The following SPATA9 variants were observed in gnomAD, a reference collection of about 807,000 sequenced individuals.
SPATA9 encodes the protein spermatogenesis associated 9, also known as spermatogenesis-associated protein 9.
Under a neutral mutation model 25.5 loss-of-function variants are expected in SPATA9, and 27 were observed. The observed-to-expected ratio is 1.06, with a 90% confidence interval of 0.78 to 1.46. The LOEUF (loss-of-function observed/expected upper bound fraction) is 1.46. Among genes scored for constraint, SPATA9 ranks in the 40% most tolerant of loss-of-function variants. The pLI is 0.00. For synonymous variants in SPATA9, 102 were observed against 105.7 expected (o/e 0.97, Z 0.21); for missense variants, 282 against 297.5 (o/e 0.95, Z 0.38).
chr5:95,723,664 T>G, the SPATA9 span, among the ~76,000 whole-genome samples: 1 of 152,240 alleles, frequency 6.6e-6, no homozygotes, highest in South Asian at 2.1e-4. Context: ...TTCACAGAGC[T>G]GATTTCTAGG....
At chr5:95,688,578 G>A (rs1753805180) in intron 1 of SPATA9, among the ~76,000 whole-genome samples, 1 of 152,134 alleles carries the variant, frequency 6.6e-6, no homozygotes, top group South Asian at 2.1e-4. Context: ...AATGTAGATG[G>A]AACTGGAGGC....
chr5:95,711,514 C>T, the SPATA9 span, among the ~76,000 whole-genome samples: 1 of 152,150 alleles, frequency 6.6e-6, no homozygotes, highest in African/African-American at 2.4e-5. Context: ...CCCGGAGGGA[C>T]TTGTGCCTCT....
At chr5:95,674,743 C>A (rs766123523) in intron 3 of SPATA9, 3 of 456,488 alleles carry the variant, frequency 6.6e-6, no homozygotes, top group East Asian at 6.9e-5. Flanking sequence ...GGAGCTAATA[C>A]ATCTTCTTTT....
intron 1 of SPATA9, among the ~76,000 whole-genome samples, chr5:95,692,991 T>A (rs918699003): frequency 6.6e-6 from 1 of 152,242 alleles, no homozygotes; most frequent in African/African-American, 2.4e-5. Context: ...TTTTTGCCTG[T>A]TAAATATATT....
At chr5:95,681,901 C>G (rs75634816) in intron 2 of SPATA9, among the ~76,000 whole-genome samples, 9 of 152,078 alleles carry the variant, frequency 5.9e-5, no homozygotes, top group Non-Finnish European at 1.2e-4. Context: ...TCAAAATGAC[C>G]GAACCACATT....
the SPATA9 span, among the ~76,000 whole-genome samples, chr5:95,722,747 T>G: frequency 6.6e-6 from 1 of 152,222 alleles, no homozygotes; most frequent in Non-Finnish European, 1.5e-5. Flanking sequence ...CTTCCCAAAG[T>G]GCTGGGATTA....
At chr5:95,699,996 A>C (rs1442300925), upstream of SPATA9, among the ~76,000 whole-genome samples, 1 of 152,224 alleles carries the variant, frequency 6.6e-6, no homozygotes, top group Non-Finnish European at 1.5e-5. Flanking sequence ...GGGGACTCCA[A>C]CATAGAGCTA....
At chr5:95,675,340 T>G (rs1382535107) in intron 3 of SPATA9, 72 bp downstream of exon 3, 126 of 1,256,764 alleles carry the variant, frequency 1.0e-4, no homozygotes, top group Admixed American at 4.8e-5. Context: ...TCACCACATT[T>G]TATTTTTCAA....
the SPATA9 span, chr5:95,713,483 C>T: frequency 1.3e-5 from 2 of 152,154 alleles, no homozygotes; most frequent in African/African-American, 2.4e-5. Flanking sequence ...TCCTCCTGCT[C>T]CAGCCACAAA....
chr5:95,696,473 T>A (rs533434702), intron 1 of SPATA9, among the ~76,000 whole-genome samples: 1 of 152,278 alleles, frequency 6.6e-6, no homozygotes, highest in East Asian at 1.9e-4. Flanking sequence ...TTGGGTGAAA[T>A]ACATAAAGAA....
the SPATA9 span, among the ~76,000 whole-genome samples, chr5:95,710,286 G>C: frequency 1.3e-5 from 2 of 152,220 alleles, no homozygotes; most frequent in African/African-American, 2.4e-5. Flanking sequence ...GTCATGGATA[G>C]TAGCTGGATT....
intron 4 of SPATA9, among the ~76,000 whole-genome samples, chr5:95,663,547 T>C (rs1398821698): frequency 6.6e-6 from 1 of 152,146 alleles, no homozygotes; most frequent in Non-Finnish European, 1.5e-5. Flanking sequence ...AAAAATCTTT[T>C]ATATTTTTCT....
At chr5:95,717,160 G>T in the SPATA9 span, 1 of 152,156 alleles carries the variant, frequency 6.6e-6, no homozygotes, top group Non-Finnish European at 1.5e-5. Context: ...CCGTAATGTG[G>T]ATGGGACTCA....
downstream of SPATA9, chr5:95,654,471 C>A: frequency 1.3e-6 from 1 of 760,074 alleles, no homozygotes; most frequent in Non-Finnish European, 2.1e-6. Context: ...AATATAATTC[C>A]AAGTATTCTG....
the SPATA9 span, among the ~76,000 whole-genome samples, chr5:95,705,148 T>C: frequency 3.9e-5 from 6 of 152,058 alleles, no homozygotes; most frequent in African/African-American, 1.4e-4. Context: ...TCGTATTTTT[T>C]GTAGAGATAG....
chr5:95,661,673 T>G (rs1284492950), intron 4 of SPATA9, among the ~76,000 whole-genome samples: 2 of 152,172 alleles, frequency 1.3e-5, no homozygotes, highest in East Asian at 3.8e-4. Context: ...TCTTGAAAAT[T>G]TAAAACAGTG....
At chr5:95,665,069 A>AT (rs1020647076) in intron 3 of SPATA9, among the ~76,000 whole-genome samples, 14 of 152,280 alleles carry the variant, frequency 9.2e-5, no homozygotes, top group African/African-American at 3.4e-4. Flanking sequence ...CCTTTTATGT[A>AT]TTTTTAATTG....
At chr5:95,655,067 G>A (rs540139725), downstream of SPATA9, among the ~76,000 whole-genome samples, 125 of 152,090 alleles carry the variant, frequency 8.2e-4, no homozygotes, top group East Asian at 0.011. Flanking sequence ...CTCTCTAACC[G>A]ATGCAAAGTA....
At chr5:95,728,554 C>G in the SPATA9 span, among the ~76,000 whole-genome samples, 4 of 152,180 alleles carry the variant, frequency 2.6e-5, no homozygotes, top group Non-Finnish European at 1.5e-5. Context: ...CTTTTACTGA[C>G]TGCCTTTGTA....
Sources: allele counts gnomAD v4.1 joint callset (sites outside exome capture counted in the v4.1 genomes callset), GRCh38; gene constraint gnomAD v4.1.1; transcripts MANE v1.5; gene names NCBI Gene and HGNC (gene_info 2026-07-23, HGNC 2026-07-21).